LRSAM1: variants seen among roughly 807,000 people sequenced by gnomAD.
The protein encoded by LRSAM1 is E3 ubiquitin-protein ligase LRSAM1.
LRSAM1 carries 96 observed loss-of-function variants against 118.1 expected under a neutral mutation model. The ratio of observed to expected loss-of-function variants is 0.81; its 90% CI spans 0.69 to 0.96. The LOEUF (loss-of-function observed/expected upper bound fraction) is 0.96. Ranked by LOEUF, LRSAM1 falls within the 40% of genes least tolerant of loss-of-function variation. The pLI is 0.00. For synonymous variants in LRSAM1, 322 were observed against 364.2 expected (o/e 0.88, Z 1.32); for missense variants, 804 against 915.5 (o/e 0.88, Z 1.57).
chr9:127,485,673 C>T, intron 16 of LRSAM1, 63 bp from the exon 17 acceptor site: 2 of 1,511,992 alleles, frequency 1.3e-6, no homozygotes, highest in South Asian at 2.2e-5. Context: ...CCTGCTGCCT[C>T]CCTGCCCAGG....
intron 21 of LRSAM1, among the ~76,000 whole-genome samples, chr9:127,494,168 C>T (rs1170018897): frequency 6.6e-6 from 1 of 152,244 alleles, no homozygotes; most frequent in African/African-American, 2.4e-5. Context: ...ACAGCCCATC[C>T]GGCTCCTGGG....
intron 10 of LRSAM1, among the ~76,000 whole-genome samples, chr9:127,472,665 T>C (rs778123569): frequency 6.6e-6 from 1 of 152,076 alleles, no homozygotes; most frequent in Non-Finnish European, 1.5e-5. Context: ...TAAATAAAAA[T>C]AAAAATAAAC....
chr9:127,458,112 G>A (rs1834589364), intron 6 of LRSAM1, among the ~76,000 whole-genome samples: 2 of 151,944 alleles, frequency 1.3e-5, no homozygotes, highest in Admixed American at 1.3e-4. Flanking sequence ...CAGTCGTGGT[G>A]GCTCACACCC....
intron 10 of LRSAM1, among the ~76,000 whole-genome samples, chr9:127,469,905 C>T (rs1246248781): frequency 1.3e-5 from 2 of 152,042 alleles, no homozygotes; most frequent in African/African-American, 2.4e-5. Flanking sequence ...GAGGAGCTTG[C>T]AGTGAGCCGA....
chr9:127,466,504 ATTT>A (rs869115663), intron 9 of LRSAM1, among the ~76,000 whole-genome samples: 21 of 24,506 alleles, frequency 8.6e-4, no homozygotes, highest in South Asian at 6.5e-3. Flanking sequence ...ATATATATAT[ATTT>A]TTTTTTTTTT....
intron 25 of LRSAM1, 91 bp from the exon 26 acceptor site, chr9:127,502,683 T>C: frequency 1.6e-6 from 2 of 1,233,252 alleles, no homozygotes; most frequent in South Asian, 2.7e-5. Context: ...TGAGACTCTG[T>C]CTCAAAAAAA....
At chr9:127,459,473 C>T (rs1771923650) in intron 7 of LRSAM1, among the ~76,000 whole-genome samples, 1 of 152,162 alleles carries the variant, frequency 6.6e-6, no homozygotes, top group South Asian at 2.1e-4. Flanking sequence ...CTCACTTTGG[C>T]CTCCCAAAGT....
At chr9:127,472,193 C>T (rs1484272832) in intron 10 of LRSAM1, among the ~76,000 whole-genome samples, 1 of 151,234 alleles carries the variant, frequency 6.6e-6, no homozygotes, top group Non-Finnish European at 1.5e-5. Flanking sequence ...AACTCCTGAC[C>T]TCGTGATCCA....
intron 7 of LRSAM1, 21 bp from the exon 8 acceptor site, chr9:127,461,152 C>T (rs772138672): frequency 6.2e-7 from 1 of 1,601,518 alleles, no homozygotes; most frequent in Non-Finnish European, 8.5e-7. Context: ...CTGCGCCTGG[C>T]TGCCTCTTCC....
chr9:127,481,645 G>A (rs1323856787), intron 15 of LRSAM1, among the ~76,000 whole-genome samples: 1 of 152,162 alleles, frequency 6.6e-6, no homozygotes, highest in Non-Finnish European at 1.5e-5. Context: ...CTCCTTAGAC[G>A]ATATTTAATT....
rs1189345108 is a variant in LRSAM1 at position 127,462,334 on chromosome 9, G to A, written c.489G>A (p.Gln163=). The A allele has an allele frequency of 8.7e-6, 14 of 1,613,996 alleles. No individual in the cohort carries two copies. The highest frequency in any genetic ancestry group is 1.1e-5 in the Non-Finnish European group (13 of 1,180,028). The change falls in exon 9 of 26, where the codon CAG becomes CAA. Residue 163 remains glutamine (Q), a synonymous_variant. Transcript: ENST00000300417. Reference sequence around the variant, plus strand: ...TCAACATCAGTGGAAACGAGATCCAGAGATTGCCGCAGATGCTGGCTCACG... The same window carrying A: ...TCAACATCAGTGGAAACGAGATCCAAAGATTGCCGCAGATGCTGGCTCACG... ...RTLNISGNEI[Q]RLPQMLAHVR... is the part of the protein sequence containing the mutation.
chr9:127,469,344 C>T (rs1340151017), intron 10 of LRSAM1, among the ~76,000 whole-genome samples: 1 of 152,106 alleles, frequency 6.6e-6, no homozygotes, highest in Non-Finnish European at 1.5e-5. Context: ...GTGGCAGGCA[C>T]CTGTAATCCC....
intron 24 of LRSAM1, among the ~76,000 whole-genome samples, chr9:127,500,485 C>G (rs1334530164): frequency 6.6e-6 from 1 of 152,062 alleles, no homozygotes; most frequent in African/African-American, 2.4e-5. Flanking sequence ...GGCAGGGGAA[C>G]AGCCTTGCGG....
At chr9:127,484,481 G>A (rs952617893) in intron 16 of LRSAM1, among the ~76,000 whole-genome samples, 6 of 151,610 alleles carry the variant, frequency 4.0e-5, no homozygotes, top group Non-Finnish European at 8.8e-5. Context: ...TCCCACTACA[G>A]CCTCCCAAGT....
rs1834324294 is a variant in LRSAM1 at position 127,451,611 on chromosome 9, A to G, written c.-247A>G. On this transcript the variant is annotated 5_prime_UTR_variant, in exon 1 of 26. Coordinates refer to ENST00000300417, the MANE Select transcript of LRSAM1 (RefSeq NM_001005373.4). ...GGGTTCGGGTAGTTCGCTCCGGAGA[A>G]GTCTGAGAAGGGTGGCTCCGGTGAT... The G allele has an allele frequency of 2.0e-6, 1 of 511,604 alleles. No individual in the cohort carries two copies. Among genetic ancestry groups the G allele is most frequent in the Non-Finnish European group, 3.6e-6 (1 of 281,468 alleles). The allele number at this position is 511,604 out of a possible 1,614,324, so 31.7% of individuals were successfully genotyped here.
chr9:127,490,003 G>A (rs902164712), intron 19 of LRSAM1, among the ~76,000 whole-genome samples: 1 of 152,174 alleles, frequency 6.6e-6, no homozygotes, highest in Admixed American at 6.5e-5. Flanking sequence ...AAGTGACCTC[G>A]GCCCAGGAGG....
chr9:127,499,296 C>T (rs906038421), intron 24 of LRSAM1, among the ~76,000 whole-genome samples: 5 of 152,054 alleles, frequency 3.3e-5, no homozygotes, highest in Admixed American at 2.6e-4. Flanking sequence ...ATCGCTTGAG[C>T]TTGGGAGGTC....
At chr9:127,484,884 C>T (rs1034575370) in intron 16 of LRSAM1, among the ~76,000 whole-genome samples, 1 of 149,654 alleles carries the variant, frequency 6.7e-6, no homozygotes, top group African/African-American at 2.5e-5. Flanking sequence ...TCTCAGCTCA[C>T]GCAACCTCTG....
intron 9 of LRSAM1, among the ~76,000 whole-genome samples, chr9:127,466,489 TATATATATA>T (rs1457608893): frequency 6.1e-4 from 8 of 13,036 alleles, no homozygotes; most frequent in African/African-American, 2.1e-3. Context: ...TATATATATA[TATATATATA>T]TATATATTTT....
Sources: gnomAD v4.1 joint callset for allele counts (sites outside exome capture counted in the v4.1 genomes callset) on GRCh38, gnomAD v4.1.1 for gene constraint, MANE v1.5 for transcripts, NCBI Gene and HGNC (gene_info 2026-07-23, HGNC 2026-07-21) for gene names.